The following DRG1 variants were observed in gnomAD, a reference collection of about 807,000 sequenced individuals.
DRG1 encodes developmentally-regulated GTP-binding protein 1.
Under a neutral mutation model 38.8 loss-of-function variants are expected in DRG1, and 19 were observed. The ratio of observed to expected loss-of-function variants is 0.49; its 90% CI spans 0.34 to 0.72. The LOEUF (loss-of-function observed/expected upper bound fraction) is 0.72. DRG1 is among the 30% of genes least tolerant of loss of function. DRG1 has a pLI of 0.01. For missense variants in DRG1, 299 were observed against 444.8 expected, an observed-to-expected ratio of 0.67 and a Z score of 2.95; for synonymous variants, 167 against 157.5, an observed-to-expected ratio of 1.06 and a Z score of -0.45.
At chr22:31,413,899 C>T (rs1196510167) in intron 4 of DRG1, among the ~76,000 whole-genome samples, 2 of 152,150 alleles carry the variant, frequency 1.3e-5, no homozygotes, top group East Asian at 3.9e-4. Context: ...CAGGGGTGAG[C>T]CACCGGGCCC....
At chr22:31,417,058 T>A (rs1440918452) in intron 4 of DRG1, among the ~76,000 whole-genome samples, 2 of 138,960 alleles carry the variant, frequency 1.4e-5, no homozygotes, top group Non-Finnish European at 3.2e-5. Context: ...ACAGACACCC[T>A]GTCTCAAAAA....
At chr22:31,418,284 ATAAAAAT>A (rs1207404331) in intron 4 of DRG1, among the ~76,000 whole-genome samples, 1 of 152,082 alleles carries the variant, frequency 6.6e-6, no homozygotes, top group East Asian at 1.9e-4. Context: ...CTCTACAAAA[ATAAAAAT>A]TAAAAAAAAG....
Position 31,420,161 on chromosome 22 carries a change from T to TTAAA in DRG1, c.413-93_413-90dup, listed in dbSNP as rs1315249195. 4.1e-5 allele frequency: 58 copies of TTAAA among 1,416,232 alleles called. 1 individual carries two copies. In the South Asian group the frequency reaches 7.3e-4, roughly 18 times the overall value. The allele number at this position is 1,416,232 out of a possible 1,614,324, so 87.7% of individuals were successfully genotyped here. On this transcript the variant is annotated intron_variant, in intron 4 of 8. Coordinates refer to ENST00000331457, the MANE Select transcript of DRG1 (RefSeq NM_004147.4). ...GTATTACAGAAAAATCCTTTGACAC[T>TTAAA]TAAATGTAGGGGGAAAAAACACCTC...
At position 31,400,706 on chromosome 22, in the gene DRG1, T is replaced by A. The variant is rs1007983325; in HGVS notation, c.129T>A (p.Ile43=). ...ARLAKLRREL[I]TPKGGGGGGP... ...TTGCTAAGCTTCGTCGAGAACTCAT[T>A]ACTCCAAAGGGTGGTGGTGGTGGAG... Residue 43 remains isoleucine (I), a synonymous_variant, in exon 2 of 9, where the codon ATT becomes ATA. Transcript: ENST00000331457. The A allele has an allele frequency of 6.2e-7, 1 of 1,613,348 alleles. No individual in the cohort carries two copies. The highest frequency in any genetic ancestry group is 2.2e-5 in the East Asian group (1 of 44,880).
chr22:31,406,848 T>C (rs2049992232), intron 3 of DRG1, among the ~76,000 whole-genome samples: 1 of 152,208 alleles, frequency 6.6e-6, no homozygotes, highest in East Asian at 1.9e-4. Flanking sequence ...ACCTGTTTTT[T>C]CCACCAGTGT....
At chr22:31,424,848 G>C (rs1403734087) in intron 6 of DRG1, among the ~76,000 whole-genome samples, 1 of 123,974 alleles carries the variant, frequency 8.1e-6, no homozygotes, top group African/African-American at 3.2e-5. Context: ...TGTCCCCCAG[G>C]CTGGAGTGCA....
intron 4 of DRG1, among the ~76,000 whole-genome samples, chr22:31,415,548 A>G (rs956440559): frequency 2.6e-5 from 4 of 152,014 alleles, no homozygotes; most frequent in African/African-American, 9.7e-5. Flanking sequence ...TTTTAGTAGA[A>G]ACGGGGTTTC....
chr22:31,413,140 G>A (rs554439528), intron 4 of DRG1, among the ~76,000 whole-genome samples: 1 of 152,098 alleles, frequency 6.6e-6, no homozygotes, highest in South Asian at 2.1e-4. Flanking sequence ...TGTCACCCAG[G>A]CTGGAGTGCA....
chr22:31,399,809 G>A, intron 1 of DRG1, 84 bp downstream of exon 1: 2 of 1,600,634 alleles, frequency 1.2e-6, no homozygotes, highest in Non-Finnish European at 1.7e-6. Context: ...CCTTTGAGCC[G>A]CGTCAGGACC....
rs1271801180 is a variant in DRG1 at position 31,400,652 on chromosome 22, A to C, written c.75A>C (p.Ala25=). The C allele has an allele frequency of 1.3e-5, 21 of 1,613,298 alleles. No individual in the cohort carries two copies. The highest frequency in any genetic ancestry group is 1.7e-5 in the Admixed American group (1 of 59,940). ...GGACTCAAAAGAACAAGGCCACAGC[A>C]CACCACTTAGGGCTGCTTAAGGCTC... ...MARTQKNKAT[A]HHLGLLKARL... is the part of the protein sequence containing the mutation. Residue 25 remains alanine (A), a synonymous_variant, in exon 2 of 9, where the codon GCA becomes GCC. Transcript: ENST00000331457.
chr22:31,404,029 G>A (rs1375471946), intron 3 of DRG1, among the ~76,000 whole-genome samples: 1 of 130,402 alleles, frequency 7.7e-6, no homozygotes, highest in Non-Finnish European at 1.6e-5. Context: ...CCTCTCTCAG[G>A]ACTTTTGAGT....
chr22:31,416,354 G>A (rs535192141), intron 4 of DRG1, among the ~76,000 whole-genome samples: 2 of 152,234 alleles, frequency 1.3e-5, no homozygotes, highest in East Asian at 3.9e-4. Context: ...ATATTATTTG[G>A]GATGAGACCC....
chr22:31,424,107 A>AC (rs1006500751), intron 6 of DRG1, among the ~76,000 whole-genome samples: 87 of 149,408 alleles, frequency 5.8e-4, no homozygotes, highest in African/African-American at 2.1e-3. Context: ...CAGGTGATCC[A>AC]CCCCACCTCG....
chr22:31,433,539 G>T (rs2050153630), intron 8 of DRG1, among the ~76,000 whole-genome samples: 1 of 152,152 alleles, frequency 6.6e-6, no homozygotes, highest in Non-Finnish European at 1.5e-5. Flanking sequence ...CCAAAGTGGT[G>T]GGATTACAGG....
intron 8 of DRG1, among the ~76,000 whole-genome samples, chr22:31,429,814 T>G (rs998584500): frequency 2.0e-5 from 3 of 152,026 alleles, no homozygotes; most frequent in Non-Finnish European, 4.4e-5. Flanking sequence ...CCCAGCTAGT[T>G]TTTTCTATTT....
chr22:31,430,898 T>G (rs2145872653), intron 8 of DRG1, among the ~76,000 whole-genome samples: 1 of 151,898 alleles, frequency 6.6e-6, no homozygotes, highest in South Asian at 2.1e-4. Context: ...TTTTTTTATT[T>G]GTAGAGACAG....
At chr22:31,426,991 G>A in intron 7 of DRG1, 69 bp from the exon 8 acceptor site, 1 of 1,595,686 alleles carries the variant, frequency 6.3e-7, no homozygotes, top group East Asian at 2.2e-5. Context: ...GGGTGATGGA[G>A]GGTTGCTATA....
At chr22:31,411,106 C>T (rs889504257) in intron 4 of DRG1, 25 bp downstream of exon 4, 1 of 1,611,596 alleles carries the variant, frequency 6.2e-7, no homozygotes, top group Non-Finnish European at 8.5e-7. Flanking sequence ...TGCCACCATC[C>T]TGGGATATCA....
chr22:31,404,996 G>A (rs895716728), intron 3 of DRG1, among the ~76,000 whole-genome samples: 22 of 151,954 alleles, frequency 1.4e-4, no homozygotes, highest in African/African-American at 5.3e-4. Flanking sequence ...ATAAAGCATT[G>A]ACTTTTTATT....
Sources: gnomAD v4.1 joint callset for allele counts (sites outside exome capture counted in the v4.1 genomes callset) on GRCh38, gnomAD v4.1.1 for gene constraint, MANE v1.5 for transcripts, NCBI Gene and HGNC (gene_info 2026-07-23, HGNC 2026-07-21) for gene names.